PILRB: variants seen among roughly 807,000 people sequenced by gnomAD.
PILRB encodes paired immunoglobulin-like type 2 receptor beta.
Under a neutral mutation model 20.5 loss-of-function variants are expected in PILRB, and 21 were observed. The ratio of observed to expected loss-of-function variants is 1.02; its 90% CI spans 0.72 to 1.47. The LOEUF (loss-of-function observed/expected upper bound fraction) is 1.47, where lower values mean the gene tolerates loss of function less well. PILRB is among the 40% of genes most tolerant of loss of function. The pLI, the probability that PILRB is intolerant of heterozygous loss-of-function variation, is 0.00. For missense variants in PILRB, 253 were observed against 272.1 expected, an observed-to-expected ratio of 0.93 and a Z score of 0.49; for synonymous variants, 133 against 115.1, an observed-to-expected ratio of 1.16 and a Z score of -0.99.
At position 100,366,223 on chromosome 7, in the gene PILRB, A is replaced by T. The variant is rs549866007; in HGVS notation, c.656-1126A>T. Among the ~76,000 whole-genome samples, 70 of 152,118 alleles carry T rather than the reference A, an allele frequency of 4.6e-4. 1 individual carries two copies. The highest frequency in any genetic ancestry group is 9.7e-4 in the Non-Finnish European group (66 of 68,016). ...CCCACCTTGGCCTCCCAATCCTGGG[A>T]TTATCACCGCGTGAGCCACCGCACC... On this transcript the variant is annotated intron_variant, in intron 3 of 3. Coordinates refer to ENST00000609309, the MANE Select transcript of PILRB (RefSeq NM_178238.4).
intron 2 of PILRB, 118 bp downstream of exon 2, chr7:100,359,197 G>C: frequency 2.0e-6 from 3 of 1,513,148 alleles, no homozygotes; most frequent in Non-Finnish European, 2.7e-6. Context: ...ATTTCACCTT[G>C]CTACCCCTTC....
chr7:100,358,424 C>G (rs879428519), intron 1 of PILRB, 58 bp downstream of exon 1: 4 of 1,585,008 alleles, frequency 2.5e-6, no homozygotes, highest in Non-Finnish European at 3.4e-6. Flanking sequence ...AGGGGCCAAC[C>G]CAAGACAAAG....
At position 100,359,693 on chromosome 7, in the gene PILRB, C is replaced by T. The variant is rs551432119; in HGVS notation, c.655+156C>T. ...GGCCTGTGCTGGGGCGTCTGCATCT[C>T]GGGGGCCTCCTGCAGTGGGGTGGTG... is the stretch of plus-strand genomic sequence containing the variant. On this transcript the variant is annotated intron_variant, in intron 3 of 3. Transcript: ENST00000609309. 4.7e-4 allele frequency among the ~76,000 whole-genome samples: 71 copies of T among 152,266 alleles called. 1 individual carries two copies. In the South Asian group the frequency reaches 0.013, roughly 28 times the overall value.
intron 3 of PILRB, among the ~76,000 whole-genome samples, chr7:100,360,985 GA>G (rs1790508752): frequency 6.6e-6 from 1 of 152,076 alleles, no homozygotes; most frequent in African/African-American, 2.4e-5. Flanking sequence ...GCCCAGGCTG[GA>G]GTGCAGTGGC....
intron 3 of PILRB, among the ~76,000 whole-genome samples, chr7:100,360,235 G>T (rs1790488159): frequency 6.6e-6 from 1 of 152,242 alleles, no homozygotes; most frequent in Non-Finnish European, 1.5e-5. Context: ...CCACGGCCTG[G>T]CTTGAAACTG....
At chr7:100,359,186 C>T (rs1790455177) in intron 2 of PILRB, 107 bp downstream of exon 2, 1 of 1,528,498 alleles carries the variant, frequency 6.5e-7, no homozygotes, top group Non-Finnish European at 9.0e-7. Context: ...GAGCTGTTAG[C>T]ATTTCACCTT....
rs752622919 is a variant in PILRB at position 100,359,431 on chromosome 7, C to T, written c.549C>T (p.His183=). Residue 183 remains histidine (H), a synonymous_variant, in exon 3 of 4, where the codon CAC becomes CAT. Transcript: ENST00000609309. The stretch of plus-strand genomic sequence containing the variant: ...GCAAAGGGCACTCAGAATCATGGCA[C>T]CTAAGTCTGGACACTGCCATCAGGG... ...TESKGHSESW[H]LSLDTAIRVA... 10 of 1,614,146 alleles carry T rather than the reference C, an allele frequency of 6.2e-6. No individual in the cohort carries two copies. Among genetic ancestry groups the T allele is most frequent in the Middle Eastern group, 1.6e-4 (1 of 6,062 alleles).
chr7:100,360,903 C>A (rs1435998784), intron 3 of PILRB, among the ~76,000 whole-genome samples: 1 of 151,972 alleles, frequency 6.6e-6, no homozygotes, highest in African/African-American at 2.4e-5. Flanking sequence ...GGGAGCGATG[C>A]CTCGTTTAGT....
intron 3 of PILRB, among the ~76,000 whole-genome samples, chr7:100,360,785 T>A (rs1258726332): frequency 1.3e-5 from 2 of 152,004 alleles, no homozygotes; most frequent in African/African-American, 2.4e-5. Context: ...GTTAGATTGA[T>A]GTAGGGGCAA....
intron 3 of PILRB, among the ~76,000 whole-genome samples, chr7:100,366,921 G>A (rs1790708256): frequency 6.6e-6 from 1 of 152,102 alleles, no homozygotes; most frequent in African/African-American, 2.4e-5. Context: ...GGTCGGGGGG[G>A]AGCCTCAGGG....
At chr7:100,366,189 G>C (rs1161724199) in intron 3 of PILRB, among the ~76,000 whole-genome samples, 1 of 152,102 alleles carries the variant, frequency 6.6e-6, no homozygotes, top group Non-Finnish European at 1.5e-5. Context: ...CCTGACCTCA[G>C]GTGATCTGCC....
chr7:100,366,516 G>C (rs965937480), intron 3 of PILRB, among the ~76,000 whole-genome samples: 2 of 152,142 alleles, frequency 1.3e-5, no homozygotes, highest in Non-Finnish European at 2.9e-5. Context: ...AAGGATGCCA[G>C]GGGGACAAGA....
At chr7:100,363,612 T>TC (rs1790592511) in intron 3 of PILRB, among the ~76,000 whole-genome samples, 1 of 152,150 alleles carries the variant, frequency 6.6e-6, no homozygotes, top group African/African-American at 2.4e-5. Context: ...AACAACAATC[T>TC]CCAGATCCAA....
intron 3 of PILRB, among the ~76,000 whole-genome samples, chr7:100,360,702 G>A (rs1338191528): frequency 6.6e-6 from 1 of 152,202 alleles, no homozygotes; most frequent in East Asian, 1.9e-4. Flanking sequence ...GGTCAGTGCA[G>A]TGCAGGAGTG....
rs538494577 is a variant in PILRB at position 100,358,346 on chromosome 7, C to T, written c.44C>T (p.Pro15Leu). 55 of 1,612,734 alleles carry T rather than the reference C, an allele frequency of 3.4e-5. No homozygotes were observed. Among genetic ancestry groups the T allele is most frequent in the Admixed American group, 3.2e-4 (19 of 60,022 alleles). ...CTGCCCCTGCTGCTCCTGCTGCAGC[C>T]GCCAGCATTTCTGCAGCCTGGTGAG... ...LLLPLLLLLQPPAFLQPGGST... is the reference protein window; with the variant it reads ...LLLPLLLLLQLPAFLQPGGST... Residue 15 changes from proline to leucine, a missense_variant, in exon 1 of 4, where the codon CCG becomes CTG. Physicochemically the swap from Pro to Leu is moderately conservative, Grantham distance 98. Coordinates refer to ENST00000609309, the MANE Select transcript of PILRB (RefSeq NM_178238.4).
intron 3 of PILRB, among the ~76,000 whole-genome samples, chr7:100,362,052 TGA>T (rs1327661204): frequency 6.6e-6 from 1 of 152,072 alleles, no homozygotes; most frequent in African/African-American, 2.4e-5. Flanking sequence ...AAGGAACTAC[TGA>T]GAGAGCAGGA....
At chr7:100,366,441 A>G (rs1790688547) in intron 3 of PILRB, among the ~76,000 whole-genome samples, 1 of 152,044 alleles carries the variant, frequency 6.6e-6, no homozygotes, top group African/African-American at 2.4e-5. Context: ...GAGCCCTCCC[A>G]GGAGGGGGCT....
intron 3 of PILRB, among the ~76,000 whole-genome samples, chr7:100,365,451 A>G (rs1039397108): frequency 6.6e-6 from 1 of 152,246 alleles, no homozygotes; most frequent in Non-Finnish European, 1.5e-5. Context: ...TCCTAGAAAC[A>G]GGAAGCAGAA....
chr7:100,362,768 C>A (rs572253671), intron 3 of PILRB, among the ~76,000 whole-genome samples: 2 of 152,042 alleles, frequency 1.3e-5, no homozygotes, highest in Non-Finnish European at 2.9e-5. Context: ...CTTGGCCTCC[C>A]AAAGTGCTGG....
Sources: allele counts gnomAD v4.1 joint callset (sites outside exome capture counted in the v4.1 genomes callset), GRCh38; gene constraint gnomAD v4.1.1; transcripts MANE v1.5; gene names NCBI Gene and HGNC (gene_info 2026-07-23, HGNC 2026-07-21).